The following KCNN2 variants were observed in gnomAD, a reference collection of about 807,000 sequenced individuals.
KCNN2 encodes the protein small conductance calcium-activated potassium channel protein 2.
In KCNN2, 24 loss-of-function variants were observed where a neutral mutation model predicts 55.5. The observed-to-expected ratio is 0.43, with a 90% CI of 0.31 to 0.61. KCNN2 has a LOEUF of 0.61. KCNN2 is among the 20% of genes least tolerant of loss of function. KCNN2 has a pLI of 0.08. For missense variants in KCNN2, 754 were observed against 853.6 expected, an observed-to-expected ratio of 0.88 and a Z score of 1.45; for synonymous variants, 431 against 336.1, an observed-to-expected ratio of 1.28 and a Z score of -3.09.
intron 3 of KCNN2, among the ~76,000 whole-genome samples, chr5:114,417,818 G>T (rs1759353915): frequency 6.6e-6 from 1 of 152,092 alleles, no homozygotes; most frequent in Non-Finnish European, 1.5e-5. Context: ...TGTAAAAATG[G>T]GGGTACAAAA....
intron 2 of KCNN2, among the ~76,000 whole-genome samples, chr5:114,266,963 T>G (rs1247334013): frequency 6.6e-6 from 1 of 151,404 alleles, no homozygotes; most frequent in East Asian, 2.0e-4. Context: ...TTACTGATAT[T>G]AAGATGCTTC....
intron 1 of KCNN2, among the ~76,000 whole-genome samples, chr5:114,192,583 T>G (rs564993819): frequency 6.6e-6 from 1 of 152,198 alleles, no homozygotes; most frequent in East Asian, 1.9e-4. Flanking sequence ...GACCTTATGC[T>G]TCTGAGAGGT....
intron 1 of KCNN2, among the ~76,000 whole-genome samples, chr5:114,104,385 G>A (rs2416354): frequency 0.046 from 7,009 of 151,818 alleles, 536 homozygotes; most frequent in African/African-American, 0.16. Flanking sequence ...TCCTGGATTC[G>A]TTCATTTTTT....
chr5:114,304,790 A>C (rs1756234478), intron 2 of KCNN2, among the ~76,000 whole-genome samples: 1 of 152,212 alleles, frequency 6.6e-6, no homozygotes, highest in African/African-American at 2.4e-5. Context: ...AAGTCTTCAG[A>C]AAGATAGGTC....
chr5:114,339,949 A>G (rs1225297508), intron 2 of KCNN2, among the ~76,000 whole-genome samples: 1 of 152,206 alleles, frequency 6.6e-6, no homozygotes, highest in Admixed American at 6.5e-5. Flanking sequence ...TAAAAACAAC[A>G]GGCAAGTTAA....
chr5:114,489,761 C>T (rs1037019418), intron 6 of KCNN2, among the ~76,000 whole-genome samples: 5 of 152,130 alleles, frequency 3.3e-5, no homozygotes, highest in East Asian at 1.9e-4. Context: ...ACACAGGGCT[C>T]GATTCCTAAG....
At chr5:114,229,111 A>T (rs1206716001) in intron 2 of KCNN2, among the ~76,000 whole-genome samples, 2 of 151,902 alleles carry the variant, frequency 1.3e-5, no homozygotes, top group Non-Finnish European at 2.9e-5. Flanking sequence ...TAAAAATTAA[A>T]ACAAATTTGA....
intron 2 of KCNN2, among the ~76,000 whole-genome samples, chr5:114,254,594 T>C (rs919001737): frequency 1.6e-4 from 24 of 152,210 alleles, no homozygotes; most frequent in African/African-American, 5.5e-4. Context: ...AAAAAAGTTA[T>C]CACAGTAAAT....
chr5:114,126,842 G>A (rs1751943655), intron 1 of KCNN2, among the ~76,000 whole-genome samples: 1 of 152,148 alleles, frequency 6.6e-6, no homozygotes, highest in Non-Finnish European at 1.5e-5. Flanking sequence ...TACAATGGGG[G>A]TACAGGCATT....
At chr5:114,442,589 T>G (rs2150095867) in intron 3 of KCNN2, among the ~76,000 whole-genome samples, 1 of 152,222 alleles carries the variant, frequency 6.6e-6, no homozygotes, top group Non-Finnish European at 1.5e-5. Context: ...AATACATCTC[T>G]ATGAATACCT....
intron 1 of KCNN2, among the ~76,000 whole-genome samples, chr5:114,106,415 T>C (rs1751483960): frequency 6.6e-6 from 1 of 151,950 alleles, no homozygotes; most frequent in African/African-American, 2.4e-5. Flanking sequence ...ATCTAGTATA[T>C]ATTGCGAAGG....
chr5:114,339,115 A>G (rs1756973523), intron 2 of KCNN2, among the ~76,000 whole-genome samples: 1 of 152,146 alleles, frequency 6.6e-6, no homozygotes, highest in Admixed American at 6.5e-5. Context: ...TTCTTTGCCA[A>G]ACGTACATAA....
At chr5:114,066,791 G>A (rs1302689321) in intron 1 of KCNN2, among the ~76,000 whole-genome samples, 3 of 152,140 alleles carry the variant, frequency 2.0e-5, no homozygotes, top group Non-Finnish European at 4.4e-5. Flanking sequence ...ATGTTGGCCA[G>A]GATGGTCTCA....
At chr5:114,309,414 T>C (rs1756354198) in intron 2 of KCNN2, among the ~76,000 whole-genome samples, 1 of 152,182 alleles carries the variant, frequency 6.6e-6, no homozygotes, top group Non-Finnish European at 1.5e-5. Context: ...TATATTACCC[T>C]GTAAGAAACC....
intron 2 of KCNN2, among the ~76,000 whole-genome samples, chr5:114,263,278 C>T (rs1211070064): frequency 6.6e-6 from 1 of 152,190 alleles, no homozygotes; most frequent in Admixed American, 6.5e-5. Flanking sequence ...ACCTGAGAGA[C>T]ATTCCATGTT....
At chr5:114,308,743 C>T (rs1261175949) in intron 2 of KCNN2, among the ~76,000 whole-genome samples, 1 of 151,950 alleles carries the variant, frequency 6.6e-6, no homozygotes, top group African/African-American at 2.4e-5. Flanking sequence ...CAAGAGAGCC[C>T]GCAGCTAATG....
At chr5:114,290,313 A>G (rs1041106299) in intron 2 of KCNN2, among the ~76,000 whole-genome samples, 1 of 152,084 alleles carries the variant, frequency 6.6e-6, no homozygotes, top group Non-Finnish European at 1.5e-5. Flanking sequence ...TTATTCTCAA[A>G]TCAGTTTTAG....
At chr5:114,180,330 A>G (rs1429275264) in intron 1 of KCNN2, among the ~76,000 whole-genome samples, 1 of 152,076 alleles carries the variant, frequency 6.6e-6, no homozygotes, top group Non-Finnish European at 1.5e-5. Flanking sequence ...CTTGTTTTAT[A>G]CCCTTATTGT....
intron 2 of KCNN2, among the ~76,000 whole-genome samples, chr5:114,343,199 G>T (rs929459058): frequency 1.1e-4 from 17 of 152,224 alleles, no homozygotes; most frequent in African/African-American, 4.1e-4. Context: ...AAGTCTGAAG[G>T]CTTGCTAATG....
Sources: allele counts gnomAD v4.1 joint callset (sites outside exome capture counted in the v4.1 genomes callset), GRCh38; gene constraint gnomAD v4.1.1; transcripts MANE v1.5; gene names NCBI Gene and HGNC (gene_info 2026-07-23, HGNC 2026-07-21).